The following RAB38 variants were observed in gnomAD, a reference collection of about 807,000 sequenced individuals.
RAB38 encodes the protein RAB38, member RAS oncogene family.
A neutral mutation model predicts 18.4 loss-of-function variants in RAB38; 15 were observed. That is an observed-to-expected ratio of 0.82 (90% CI 0.55 to 1.26). RAB38 has a LOEUF of 1.26. Ranked by LOEUF, RAB38 falls within the 50% of genes most tolerant of loss-of-function variation. The pLI, the probability that RAB38 is intolerant of heterozygous loss-of-function variation, is 0.00. For synonymous variants in RAB38, 101 were observed against 104.4 expected (o/e 0.97, Z 0.20); for missense variants, 294 against 267.4 (o/e 1.10, Z -0.69).
At chr11:88,135,233 T>C (rs1942820529) in intron 2 of RAB38, among the ~76,000 whole-genome samples, 1 of 152,204 alleles carries the variant, frequency 6.6e-6, no homozygotes, top group Non-Finnish European at 1.5e-5. Flanking sequence ...CCTGCTTTCA[T>C]GTTCTGCTTA....
chr11:88,045,722 T>C, the RAB38 span, among the ~76,000 whole-genome samples: 1 of 152,142 alleles, frequency 6.6e-6, no homozygotes, highest in African/African-American at 2.4e-5. Flanking sequence ...TAGGTGACTC[T>C]CACAGTGGAG....
chr11:87,806,225 T>TA, the RAB38 span, among the ~76,000 whole-genome samples: 2 of 152,322 alleles, frequency 1.3e-5, no homozygotes, highest in East Asian at 1.9e-4. Flanking sequence ...CAGGCTGCTC[T>TA]AAAAAATGCC....
the RAB38 span, among the ~76,000 whole-genome samples, chr11:88,055,012 C>T: frequency 6.6e-6 from 1 of 152,114 alleles, no homozygotes; most frequent in Non-Finnish European, 1.5e-5. Context: ...GCAAACCACC[C>T]AGAACATTAG....
chr11:88,175,221 G>T lies in RAB38; in HGVS notation c.164C>A (p.Pro55Gln), dbSNP rs1287741331. The change falls in exon 1 of 3, where the codon CCG (proline) becomes CAG (glutamine). Residue 55 changes from proline (P) to glutamine (Q), a missense_variant. Physicochemically the swap from Pro to Gln is moderately conservative, Grantham distance 76. Coordinates refer to ENST00000243662, the MANE Select transcript of RAB38 (RefSeq NM_022337.3). ...DFALKVLHWD[P>Q]ETVVRLQLWD... ...GAGCTGCAGGCGCACCACAGTCTCC[G>T]GGTCCCAGTGGAGCACCTTGAGCGC... 6.2e-7 allele frequency: 1 copy of T among 1,613,456 alleles called. No individual in the cohort carries two copies. Among genetic ancestry groups the T allele is most frequent in the Non-Finnish European group, 8.5e-7 (1 of 1,179,856 alleles).
At chr11:88,067,810 A>G in the RAB38 span, among the ~76,000 whole-genome samples, 1 of 151,970 alleles carries the variant, frequency 6.6e-6, no homozygotes, top group African/African-American at 2.4e-5. Context: ...TGGAGCTTAA[A>G]ATCTAGATGA....
At chr11:88,004,584 C>T in the RAB38 span, among the ~76,000 whole-genome samples, 272 of 151,248 alleles carry the variant, frequency 1.8e-3, 1 homozygote, top group East Asian at 9.1e-3. Flanking sequence ...CAAGCATTGT[C>T]GGTACTCACT....
the RAB38 span, among the ~76,000 whole-genome samples, chr11:88,054,832 C>T: frequency 7.9e-5 from 12 of 152,258 alleles, no homozygotes; most frequent in East Asian, 1.9e-4. Context: ...AATTGCACAG[C>T]GTTATCAGGA....
intron 2 of RAB38, among the ~76,000 whole-genome samples, chr11:88,128,266 A>C (rs1942728323): frequency 1.3e-5 from 2 of 152,108 alleles, no homozygotes; most frequent in South Asian, 4.1e-4. Flanking sequence ...TTTTTTCCAG[A>C]TAGAATTGAA....
At chr11:87,963,619 A>T in the RAB38 span, among the ~76,000 whole-genome samples, 1 of 151,830 alleles carries the variant, frequency 6.6e-6, no homozygotes, top group Non-Finnish European at 1.5e-5. Flanking sequence ...ATACGTAGAG[A>T]TAGCTAAATA....
chr11:87,926,144 C>T, the RAB38 span, among the ~76,000 whole-genome samples: 3 of 151,552 alleles, frequency 2.0e-5, no homozygotes, highest in East Asian at 2.0e-4. Context: ...CAGAGAGGTC[C>T]GACCAATGAA....
intron 2 of RAB38, among the ~76,000 whole-genome samples, chr11:88,139,862 T>C (rs1263111149): frequency 1.3e-5 from 2 of 152,132 alleles, no homozygotes; most frequent in South Asian, 2.1e-4. Flanking sequence ...GTCTCACCAA[T>C]GAAAATAATT....
chr11:88,122,541 T>C (rs929702018), intron 2 of RAB38, among the ~76,000 whole-genome samples: 7 of 152,236 alleles, frequency 4.6e-5, no homozygotes, highest in African/African-American at 1.4e-4. Flanking sequence ...CTAACAATTA[T>C]TGAACACTTT....
chr11:88,028,514 C>G, the RAB38 span, among the ~76,000 whole-genome samples: 1 of 151,962 alleles, frequency 6.6e-6, no homozygotes, highest in Non-Finnish European at 1.5e-5. Flanking sequence ...CTAGCATAAC[C>G]AATACAGAGA....
At chr11:88,157,651 A>C in intron 1 of RAB38, among the ~76,000 whole-genome samples, 1 of 152,196 alleles carries the variant, frequency 6.6e-6, no homozygotes, top group Non-Finnish European at 1.5e-5. Flanking sequence ...CTCTTGAACC[A>C]CAGTGGAATA....
At chr11:87,838,679 T>A in the RAB38 span, among the ~76,000 whole-genome samples, 1 of 152,208 alleles carries the variant, frequency 6.6e-6, no homozygotes, top group Admixed American at 6.5e-5. Flanking sequence ...GTGATGTGGG[T>A]GTATCTGAAC....
At chr11:87,963,639 ATTTCTTTT>A in the RAB38 span, among the ~76,000 whole-genome samples, 1 of 149,070 alleles carries the variant, frequency 6.7e-6, no homozygotes, top group Non-Finnish European at 1.5e-5. Flanking sequence ...ATGGCTGTAT[ATTTCTTTT>A]TTTCTTTTTT....
the RAB38 span, among the ~76,000 whole-genome samples, chr11:87,819,426 TGAG>T: frequency 0.11 from 17,046 of 152,016 alleles, 1,231 homozygotes; most frequent in African/African-American, 0.2. Flanking sequence ...AACGAGAAAA[TGAG>T]GAGTCAAAGT....
the RAB38 span, among the ~76,000 whole-genome samples, chr11:88,107,869 G>A: frequency 3.0e-4 from 45 of 151,876 alleles, 1 homozygote; most frequent in Admixed American, 1.1e-3. Flanking sequence ...CCTTAATTTC[G>A]TTTTTTACCC....
the RAB38 span, among the ~76,000 whole-genome samples, chr11:87,954,078 A>G: frequency 2.0e-5 from 3 of 152,180 alleles, no homozygotes. Context: ...GAGGGTGGCC[A>G]TGTTCATGTA....
Sources: gnomAD v4.1 joint callset for allele counts (sites outside exome capture counted in the v4.1 genomes callset) on GRCh38, gnomAD v4.1.1 for gene constraint, MANE v1.5 for transcripts, NCBI Gene and HGNC (gene_info 2026-07-23, HGNC 2026-07-21) for gene names.